The following SCCPDH variants were observed in gnomAD, a reference collection of about 807,000 sequenced individuals.
SCCPDH encodes the protein saccharopine dehydrogenase-like oxidoreductase.
A neutral mutation model predicts 51.5 loss-of-function variants in SCCPDH; 34 were observed. The observed-to-expected ratio is 0.66, with a 90% confidence interval of 0.50 to 0.88. The LOEUF (loss-of-function observed/expected upper bound fraction) is 0.88, where lower values mean the gene tolerates loss of function less well. Among genes scored for constraint, SCCPDH ranks in the 40% least tolerant of loss-of-function variants. The pLI is 0.00. For synonymous variants in SCCPDH, 187 were observed against 191.3 expected, an observed-to-expected ratio of 0.98 and a Z score of 0.19; for missense variants, 464 against 527.1, an observed-to-expected ratio of 0.88 and a Z score of 1.17.
intron 4 of SCCPDH, among the ~76,000 whole-genome samples, chr1:246,743,773 A>G (rs1361359735): frequency 1.3e-5 from 2 of 152,142 alleles, no homozygotes; most frequent in Non-Finnish European, 2.9e-5. Flanking sequence ...AAATACTAGA[A>G]AAGATTTTGT....
intron 5 of SCCPDH, among the ~76,000 whole-genome samples, chr1:246,744,811 A>C (rs981344383): frequency 1.3e-5 from 2 of 149,714 alleles, no homozygotes; most frequent in Non-Finnish European, 3.0e-5. Flanking sequence ...TTTTCAGTAG[A>C]GTTGGTATTT....
At position 246,735,949 on chromosome 1, in the gene SCCPDH, C is replaced by T. The variant is rs771988550; in HGVS notation, c.304-26C>T. The T allele has an allele frequency of 1.0e-5, 15 of 1,476,316 alleles. No homozygotes were observed. In the Admixed American group the frequency reaches 2.3e-4, roughly 22 times the overall value. The allele number at this position is 1,476,316 out of a possible 1,614,324, so 91.5% of individuals were successfully genotyped here. On this transcript the variant is annotated intron_variant, in intron 2 of 11. Transcript: ENST00000366510. ...ATTTAAACTTGTCAAGCAAGAATAA[C>T]CTCTTTGTTCTTTTTGTTTCCCTAG...
intron 2 of SCCPDH, among the ~76,000 whole-genome samples, chr1:246,732,196 G>T (rs192157867): frequency 3.9e-4 from 60 of 152,270 alleles, no homozygotes; most frequent in Admixed American, 3.3e-3. Flanking sequence ...AATTTGTTAT[G>T]TATTTGGAGA....
chr1:246,727,090 C>A, intron 2 of SCCPDH, 86 bp downstream of exon 2: 1 of 1,126,142 alleles, frequency 8.9e-7, no homozygotes, highest in Non-Finnish European at 1.3e-6. Flanking sequence ...GGACAGAGGA[C>A]AGAATTGTTG....
intron 5 of SCCPDH, among the ~76,000 whole-genome samples, chr1:246,750,673 T>C (rs1668839470): frequency 6.6e-6 from 1 of 152,172 alleles, no homozygotes; most frequent in African/African-American, 2.4e-5. Context: ...TAAACCTGGG[T>C]ATAATATTTT....
At chr1:246,766,243 T>C (rs1669086009) in intron 11 of SCCPDH, 104 bp downstream of exon 11, 3 of 784,272 alleles carry the variant, frequency 3.8e-6, no homozygotes, top group African/African-American at 3.5e-5. Context: ...TAAGCATTTA[T>C]AGTTCAGTTC....
At position 246,764,205 on chromosome 1, in the gene SCCPDH, G is replaced by T. The variant is rs371804050; in HGVS notation, c.991-41G>T. 52 of 1,193,512 alleles carry T rather than the reference G, an allele frequency of 4.4e-5. 1 individual carries two copies. In the Middle Eastern group the frequency reaches 7.7e-4, roughly 18 times the overall value. 73.9% of individuals were successfully genotyped at this position (1,193,512 alleles called of 1,614,324 possible). ...GTTTTACTATGTTCCAGGAGGAAAT[G>T]ACGTATTTATGAAATGCGCCCTTTG... On this transcript the variant is annotated intron_variant, in intron 9 of 11. Coordinates refer to ENST00000366510, the MANE Select transcript of SCCPDH (RefSeq NM_016002.3).
At chr1:246,743,245 T>A (rs1008593368) in intron 4 of SCCPDH, among the ~76,000 whole-genome samples, 1 of 152,006 alleles carries the variant, frequency 6.6e-6, no homozygotes, top group African/African-American at 2.4e-5. Context: ...GTAGTAGTAG[T>A]CCCTAGGACT....
chr1:246,756,312 T>C (rs1572304973), intron 5 of SCCPDH, among the ~76,000 whole-genome samples: 2 of 152,178 alleles, frequency 1.3e-5, no homozygotes, highest in East Asian at 3.8e-4. Context: ...GTGATTAAAC[T>C]CTAAAGAAAA....
At chr1:246,745,279 C>G (rs921098500) in intron 5 of SCCPDH, among the ~76,000 whole-genome samples, 4 of 152,180 alleles carry the variant, frequency 2.6e-5, no homozygotes, top group African/African-American at 9.7e-5. Flanking sequence ...AGTGCCTAAC[C>G]CAGTTCTAGG....
intron 2 of SCCPDH, among the ~76,000 whole-genome samples, chr1:246,734,392 T>C (rs1159255491): frequency 6.6e-6 from 1 of 152,240 alleles, no homozygotes; most frequent in African/African-American, 2.4e-5. Flanking sequence ...GCAATTTAAG[T>C]GATTTATAAG....
At chr1:246,742,906 G>A (rs968058278) in intron 4 of SCCPDH, among the ~76,000 whole-genome samples, 5 of 152,042 alleles carry the variant, frequency 3.3e-5, no homozygotes, top group African/African-American at 9.7e-5. Context: ...TATACTTGAT[G>A]TCCCCTTTTT....
At chr1:246,743,290 T>A (rs56338592) in intron 4 of SCCPDH, among the ~76,000 whole-genome samples, 37,611 of 151,652 alleles carry the variant, frequency 0.25, 4,762 homozygotes, top group South Asian at 0.29. Flanking sequence ...CTAATTTTTT[T>A]AAAAAAATTG....
Position 246,759,030 on chromosome 1 carries a change from G to T in SCCPDH, c.696-4G>T, listed in dbSNP as rs1668973802. ...TGCAAAATATTCATAGGTCTGTCTTGCAGGTGGCCAATTTCTTATTGTCGG... is the reference window on the plus strand; with the variant it reads ...TGCAAAATATTCATAGGTCTGTCTTTCAGGTGGCCAATTTCTTATTGTCGG... On this transcript the variant is annotated splice_polypyrimidine_tract_variant and splice_region_variant and intron_variant, in intron 6 of 11. Coordinates refer to ENST00000366510, the MANE Select transcript of SCCPDH (RefSeq NM_016002.3). 1 of 1,492,912 alleles carries T rather than the reference G, an allele frequency of 6.7e-7. No individual in the cohort carries two copies. Among genetic ancestry groups the T allele is most frequent in the Admixed American group, 1.7e-5 (1 of 59,826 alleles). 92.5% of individuals were successfully genotyped at this position (1,492,912 alleles called of 1,614,324 possible). A position where few individuals can be genotyped will look rare whatever the true frequency, so the allele number is the denominator to read the frequency against.
intron 7 of SCCPDH, 152 bp from the exon 8 acceptor site, chr1:246,759,805 T>G (rs755790267): frequency 2.0e-4 from 162 of 806,236 alleles, no homozygotes; most frequent in South Asian, 4.1e-4. Context: ...GTCTGGTTTC[T>G]GAACAAGATT....
At chr1:246,748,266 G>T (rs1353949145) in intron 5 of SCCPDH, among the ~76,000 whole-genome samples, 1 of 152,094 alleles carries the variant, frequency 6.6e-6, no homozygotes, top group Non-Finnish European at 1.5e-5. Flanking sequence ...AGCTGCAAGA[G>T]AAGTAAGAAT....
chr1:246,748,281 G>C (rs78854088), intron 5 of SCCPDH, among the ~76,000 whole-genome samples: 2,815 of 152,148 alleles, frequency 0.019, 90 homozygotes, highest in African/African-American at 0.064. Context: ...AAGAATTGAG[G>C]CTGAGTTCTT....
intron 5 of SCCPDH, among the ~76,000 whole-genome samples, chr1:246,752,142 A>G (rs1466363065): frequency 2.6e-5 from 4 of 152,002 alleles, no homozygotes; most frequent in Admixed American, 2.0e-4. Context: ...CACTGCCTTC[A>G]TGTCTGTGGA....
chr1:246,735,773 C>G (rs1572294651), intron 2 of SCCPDH, among the ~76,000 whole-genome samples: 1 of 152,176 alleles, frequency 6.6e-6, no homozygotes, highest in African/African-American at 2.4e-5. Flanking sequence ...CTCAAGTGAT[C>G]TACCTGCCTC....
Sources: allele counts gnomAD v4.1 joint callset (sites outside exome capture counted in the v4.1 genomes callset), GRCh38; gene constraint gnomAD v4.1.1; transcripts MANE v1.5; gene names NCBI Gene and HGNC (gene_info 2026-07-23, HGNC 2026-07-21).